CNTNAP2: variants seen among roughly 807,000 people sequenced by gnomAD.
CNTNAP2 encodes the protein contactin-associated protein-like 2.
A neutral mutation model predicts 155.2 loss-of-function variants in CNTNAP2; 98 were observed. That is an observed-to-expected ratio of 0.63 (90% confidence interval 0.54 to 0.75). CNTNAP2 has a LOEUF of 0.75. CNTNAP2 is among the 30% of genes least tolerant of loss of function. The pLI is 0.00. For synonymous variants in CNTNAP2, 651 were observed against 631.2 expected, an observed-to-expected ratio of 1.03 and a Z score of -0.47; for missense variants, 1,727 against 1,688.1, an observed-to-expected ratio of 1.02 and a Z score of -0.40.
chr7:148,121,270 T>C (rs1365980992), intron 16 of CNTNAP2, among the ~76,000 whole-genome samples: 1 of 152,144 alleles, frequency 6.6e-6, no homozygotes, highest in African/African-American at 2.4e-5. Context: ...CCTGACCTCG[T>C]GATCCACCCG....
At chr7:147,740,843 G>T (rs1260874946) in intron 13 of CNTNAP2, among the ~76,000 whole-genome samples, 1 of 152,214 alleles carries the variant, frequency 6.6e-6, no homozygotes, top group East Asian at 1.9e-4. Flanking sequence ...GCAGGACAGG[G>T]AAGGAGTCGA....
intron 1 of CNTNAP2, among the ~76,000 whole-genome samples, chr7:146,308,147 C>T (rs938328396): frequency 1.6e-4 from 24 of 152,042 alleles, no homozygotes; most frequent in African/African-American, 4.8e-4. Context: ...ATCAAACAAC[C>T]CCATCAAAAA....
At chr7:146,775,683 TAAAG>T (rs369727156) in intron 2 of CNTNAP2, among the ~76,000 whole-genome samples, 43 of 146,372 alleles carry the variant, frequency 2.9e-4, no homozygotes, top group African/African-American at 9.8e-4. Context: ...AAGAAGAAAA[TAAAG>T]AGAGGGAGAA....
chr7:147,328,058 A>T (rs1010903271), intron 9 of CNTNAP2, among the ~76,000 whole-genome samples: 1 of 152,190 alleles, frequency 6.6e-6, no homozygotes, highest in Non-Finnish European at 1.5e-5. Flanking sequence ...GAAAAAAAAT[A>T]AAAATAGAGG....
chr7:146,979,418 A>G (rs56239090), intron 3 of CNTNAP2, among the ~76,000 whole-genome samples: 2,031 of 152,260 alleles, frequency 0.013, 39 homozygotes, highest in African/African-American at 0.047. Context: ...TCGCATCTCA[A>G]ATTGTCTCCA....
chr7:146,643,590 G>A (rs1021538370), intron 1 of CNTNAP2, among the ~76,000 whole-genome samples: 15 of 152,168 alleles, frequency 9.9e-5, no homozygotes, highest in African/African-American at 2.6e-4. Flanking sequence ...AAGTCAGGTA[G>A]CGTGATGCCT....
At chr7:147,931,195 A>T (rs1800495523) in intron 14 of CNTNAP2, among the ~76,000 whole-genome samples, 1 of 146,452 alleles carries the variant, frequency 6.8e-6, no homozygotes, top group African/African-American at 2.7e-5. Flanking sequence ...ATTAGAGCAG[A>T]AATAAACAGA....
Position 146,451,851 on chromosome 7 carries a change from T to C in CNTNAP2, c.98-322420T>C, listed in dbSNP as rs576704194. On this transcript the variant is annotated intron_variant, in intron 1 of 23. Transcript: ENST00000361727. ...ATATATATACATATATATATACACG[T>C]ATTCTATATATATATATACGTATAT... Among the ~76,000 whole-genome samples the C allele has an allele frequency of 4.0e-4, 23 of 56,978 alleles. 2 individuals carry two copies. The African/African-American group carries it at 6.0e-3, about 15-fold the overall frequency. 37.4% of individuals were successfully genotyped at this position (56,978 alleles called of 152,430 possible).
chr7:146,621,245 A>G (rs899812474), intron 1 of CNTNAP2, among the ~76,000 whole-genome samples: 1 of 152,326 alleles, frequency 6.6e-6, no homozygotes, highest in South Asian at 2.1e-4. Context: ...GGGAGAGAAT[A>G]TAGAGTTCAC....
chr7:146,888,166 T>A (rs1385790910), intron 3 of CNTNAP2, among the ~76,000 whole-genome samples: 2 of 152,124 alleles, frequency 1.3e-5, no homozygotes, highest in African/African-American at 4.8e-5. Flanking sequence ...ATATAATATT[T>A]CTTTAAACAA....
At chr7:147,331,148 T>C (rs1381004381) in intron 9 of CNTNAP2, among the ~76,000 whole-genome samples, 2 of 151,822 alleles carry the variant, frequency 1.3e-5, no homozygotes, top group African/African-American at 4.8e-5. Flanking sequence ...GCACCTGAAA[T>C]AAGGCAATGG....
At chr7:147,772,523 T>G (rs1420857242) in intron 13 of CNTNAP2, among the ~76,000 whole-genome samples, 1 of 145,776 alleles carries the variant, frequency 6.9e-6, no homozygotes, top group Non-Finnish European at 1.5e-5. Flanking sequence ...GTGATTTTTT[T>G]CCTTTTGCCT....
chr7:146,715,188 G>A (rs779508691), intron 1 of CNTNAP2, among the ~76,000 whole-genome samples: 1 of 152,014 alleles, frequency 6.6e-6, no homozygotes. Flanking sequence ...AAAATTACCC[G>A]GTTGTGGTGG....
At chr7:147,530,969 C>T (rs1370610578) in intron 11 of CNTNAP2, among the ~76,000 whole-genome samples, 1 of 152,126 alleles carries the variant, frequency 6.6e-6, no homozygotes, top group Non-Finnish European at 1.5e-5. Context: ...TTGGCCGAAA[C>T]AAAGGAGCTA....
chr7:147,874,315 T>A (rs1799385329), intron 13 of CNTNAP2, among the ~76,000 whole-genome samples: 1 of 152,218 alleles, frequency 6.6e-6, no homozygotes. Context: ...GCAAACTTCT[T>A]CCTGGACATC....
chr7:146,474,736 A>G (rs1249254014), intron 1 of CNTNAP2, among the ~76,000 whole-genome samples: 1 of 152,240 alleles, frequency 6.6e-6, no homozygotes, highest in Non-Finnish European at 1.5e-5. Flanking sequence ...ATTATAGTGT[A>G]TTATTAAATA....
intron 13 of CNTNAP2, among the ~76,000 whole-genome samples, chr7:147,824,744 T>C (rs147438107): frequency 6.6e-6 from 1 of 152,246 alleles, no homozygotes; most frequent in African/African-American, 2.4e-5. Flanking sequence ...TTTTTTTTCT[T>C]TAATTGCAGA....
intron 3 of CNTNAP2, among the ~76,000 whole-genome samples, chr7:146,872,738 GA>G (rs1323983889): frequency 6.6e-6 from 1 of 152,152 alleles, no homozygotes; most frequent in Non-Finnish European, 1.5e-5. Flanking sequence ...ATCTATCTTA[GA>G]AATACTGTAT....
chr7:148,135,773 T>C, intron 16 of CNTNAP2, among the ~76,000 whole-genome samples: 1 of 130,200 alleles, frequency 7.7e-6, no homozygotes, highest in South Asian at 2.6e-4. Flanking sequence ...AGTTTGAACC[T>C]GGGAGGGGGA....
Sources: gnomAD v4.1 joint callset for allele counts (sites outside exome capture counted in the v4.1 genomes callset) on GRCh38, gnomAD v4.1.1 for gene constraint, MANE v1.5 for transcripts, NCBI Gene and HGNC (gene_info 2026-07-23, HGNC 2026-07-21) for gene names.